RPS6KA2: variants seen among roughly 807,000 people sequenced by gnomAD.
RPS6KA2 encodes ribosomal protein S6 kinase A2.
RPS6KA2 carries 42 observed loss-of-function variants against 91.8 expected under a neutral mutation model. The observed-to-expected ratio is 0.46, with a 90% CI of 0.36 to 0.59. The LOEUF (loss-of-function observed/expected upper bound fraction) is 0.59, where lower values mean the gene tolerates loss of function less well. Among genes scored for constraint, RPS6KA2 ranks in the 20% least tolerant of loss-of-function variants. The pLI, the probability that RPS6KA2 is intolerant of heterozygous loss-of-function variation, is 0.00. For missense variants in RPS6KA2, 798 were observed against 978.5 expected (o/e 0.82, Z 2.46); for synonymous variants, 414 against 393.6 (o/e 1.05, Z -0.61).
At chr6:166,507,990 C>T (rs1782310967) in intron 5 of RPS6KA2, among the ~76,000 whole-genome samples, 1 of 150,172 alleles carries the variant, frequency 6.7e-6, no homozygotes, top group African/African-American at 2.5e-5. Flanking sequence ...TCGCAACCCC[C>T]CACCACACAT....
intron 1 of RPS6KA2, chr6:166,862,065 T>C: frequency 1.2e-6 from 2 of 1,613,568 alleles, no homozygotes; most frequent in Non-Finnish European, 1.7e-6. Flanking sequence ...AGAGTTCGGA[T>C]TCTTGAGGAT....
intron 10 of RPS6KA2, among the ~76,000 whole-genome samples, chr6:166,479,440 G>A (rs559377826): frequency 5.9e-5 from 9 of 152,328 alleles, no homozygotes; most frequent in South Asian, 2.1e-4. Context: ...GGGCGGCCCC[G>A]GCCACAGTGA....
intron 1 of RPS6KA2, among the ~76,000 whole-genome samples, chr6:166,580,087 G>T (rs949778327): frequency 6.6e-6 from 1 of 152,224 alleles, no homozygotes; most frequent in African/African-American, 2.4e-5. Flanking sequence ...CATCACAGTG[G>T]GCTTTGGGCC....
intron 5 of RPS6KA2, 30 bp from the exon 6 acceptor site, chr6:166,504,642 A>G (rs1782134547): frequency 1.4e-6 from 2 of 1,480,754 alleles, no homozygotes; most frequent in Admixed American, 1.8e-5. Context: ...AACAAAAACA[A>G]AAAACGTTTA....
At chr6:166,482,839 C>T (rs963722086) in intron 10 of RPS6KA2, among the ~76,000 whole-genome samples, 5 of 152,196 alleles carry the variant, frequency 3.3e-5, no homozygotes, top group Admixed American at 2.6e-4. Context: ...ACATCACATC[C>T]TATTGCATCT....
chr6:166,600,115 C>T (rs1785680671), intron 1 of RPS6KA2, among the ~76,000 whole-genome samples: 1 of 152,176 alleles, frequency 6.6e-6, no homozygotes, highest in African/African-American at 2.4e-5. Context: ...CCAAACAATC[C>T]TCCTGCCTCA....
chr6:166,575,895 C>T (rs1381605795), intron 1 of RPS6KA2, among the ~76,000 whole-genome samples: 1 of 152,114 alleles, frequency 6.6e-6, no homozygotes, highest in Non-Finnish European at 1.5e-5. Flanking sequence ...CCAAATAAAG[C>T]AAAATAGGTG....
intron 1 of RPS6KA2, among the ~76,000 whole-genome samples, chr6:166,596,385 T>A (rs1238666472): frequency 6.6e-6 from 1 of 152,184 alleles, no homozygotes; most frequent in Non-Finnish European, 1.5e-5. Context: ...ACCCTCAATC[T>A]GGGTGGGCAC....
At chr6:166,544,855 A>C (rs1783775206) in intron 1 of RPS6KA2, among the ~76,000 whole-genome samples, 1 of 152,230 alleles carries the variant, frequency 6.6e-6, no homozygotes, top group Admixed American at 6.5e-5. Flanking sequence ...CATTTCTACA[A>C]CAAGTTTCCC....
At chr6:166,830,024 G>A (rs1209049173) in intron 2 of RPS6KA2, among the ~76,000 whole-genome samples, 1 of 151,566 alleles carries the variant, frequency 6.6e-6, no homozygotes, top group Admixed American at 6.6e-5. Context: ...TACTCCAGAG[G>A]TCAAGGGAGG....
At chr6:166,861,499 A>T (rs544245764) in intron 1 of RPS6KA2, among the ~76,000 whole-genome samples, 4 of 152,338 alleles carry the variant, frequency 2.6e-5, no homozygotes, top group African/African-American at 9.6e-5. Flanking sequence ...ATGGAGTGAA[A>T]AACTCTCAGC....
At chr6:166,678,206 C>A (rs913322537) in intron 2 of RPS6KA2, among the ~76,000 whole-genome samples, 6 of 152,212 alleles carry the variant, frequency 3.9e-5, no homozygotes, top group Non-Finnish European at 8.8e-5. Flanking sequence ...TACCTTCCCA[C>A]CTTATTTCCG....
chr6:166,448,819 C>G lies in RPS6KA2; in HGVS notation c.1237G>C (p.Asp413His), dbSNP rs201444480. ...QLHGNNIHFT[D>H]GYEIKEDIGV... is the part of the protein sequence containing the mutation. The stretch of plus-strand genomic sequence containing the variant: ...ATGTCCTCCTTGATCTCGTAGCCAT[C>G]GGTGAAGTGGATGTTGTTCCCGTGT... The change falls in exon 14 of 21, where the codon GAT becomes CAT. Residue 413 changes from aspartate (D) to histidine (H), a missense_variant. Transcript: ENST00000265678. This position sits in a 1 kb window ranked among gnomAD's most constrained non-coding sequence, Gnocchi z 4.7. The G allele has an allele frequency of 1.9e-5, 30 of 1,613,718 alleles. No homozygotes were observed. In the Admixed American group the frequency reaches 2.5e-4, roughly 13 times the overall value.
chr6:166,506,634 C>T (rs1220858103), intron 5 of RPS6KA2, among the ~76,000 whole-genome samples: 1 of 152,196 alleles, frequency 6.6e-6, no homozygotes, highest in Non-Finnish European at 1.5e-5. Context: ...ACGTGCACCA[C>T]TGTCCAAGGG....
intron 2 of RPS6KA2, among the ~76,000 whole-genome samples, chr6:166,846,231 A>G (rs1394445856): frequency 6.6e-6 from 1 of 151,754 alleles, no homozygotes; most frequent in East Asian, 1.9e-4. Context: ...ATTGCCAACA[A>G]AAAAAAAGTC....
intron 1 of RPS6KA2, among the ~76,000 whole-genome samples, chr6:166,543,479 A>T (rs1267533193): frequency 2.6e-5 from 4 of 152,156 alleles, no homozygotes; most frequent in Non-Finnish European, 5.9e-5. Flanking sequence ...CCATTGCTAA[A>T]TCGAGTGGCT....
chr6:166,835,239 C>T (rs1333103412), intron 2 of RPS6KA2, among the ~76,000 whole-genome samples: 1 of 152,306 alleles, frequency 6.6e-6, no homozygotes. Context: ...AGTTCTCCAA[C>T]TTTATTCTTC....
intron 2 of RPS6KA2, among the ~76,000 whole-genome samples, chr6:166,744,956 G>A (rs76286682): frequency 1.4e-3 from 215 of 152,204 alleles, no homozygotes; most frequent in African/African-American, 4.9e-3. Context: ...CTCAGGCTGC[G>A]TAACAAATAA....
intron 2 of RPS6KA2, among the ~76,000 whole-genome samples, chr6:166,800,513 C>T (rs845653): frequency 0.63 from 95,020 of 152,020 alleles, 29,843 homozygotes; most frequent in Admixed American, 0.64. Context: ...GTGGACCTTA[C>T]AAAAGGCCCT....
Sources: allele counts gnomAD v4.1 joint callset (sites outside exome capture counted in the v4.1 genomes callset), GRCh38; gene constraint gnomAD v4.1.1; non-coding constraint Gnocchi (gnomAD v3.1); transcripts MANE v1.5; gene names NCBI Gene and HGNC (gene_info 2026-07-23, HGNC 2026-07-21).